CHODL: variants seen among roughly 807,000 people sequenced by gnomAD.
CHODL encodes chondrolectin.
CHODL carries 29 observed loss-of-function variants against 34.5 expected under a neutral mutation model. The observed-to-expected ratio is 0.84, with a 90% confidence interval of 0.63 to 1.15. The LOEUF (loss-of-function observed/expected upper bound fraction) is 1.15, where lower values mean the gene tolerates loss of function less well. Ranked by LOEUF, CHODL falls within the 50% of genes most tolerant of loss-of-function variation. The probability of loss-of-function intolerance (pLI) is 0.00; values close to 1 mark genes in which losing one functional copy is unlikely to be tolerated. For missense variants in CHODL, 332 were observed against 332.5 expected, an observed-to-expected ratio of 1.00 and a Z score of 0.01; for synonymous variants, 125 against 116.1, an observed-to-expected ratio of 1.08 and a Z score of -0.49.
upstream of CHODL, among the ~76,000 whole-genome samples, chr21:18,243,863 G>C (rs945000095): frequency 6.6e-6 from 1 of 152,286 alleles, no homozygotes; most frequent in East Asian, 1.9e-4. Context: ...GAAGTTAGAG[G>C]AAAGTGTACT....
At chr21:18,225,478 C>T (rs11702805) in intron 2 of CHODL, among the ~76,000 whole-genome samples, 1 of 152,038 alleles carries the variant, frequency 6.6e-6, no homozygotes, top group Non-Finnish European at 1.5e-5. Flanking sequence ...GACATTTAAA[C>T]TAATTTGGAG....
At chr21:17,946,304 A>G (rs1309578714) in intron 1 of CHODL, among the ~76,000 whole-genome samples, 3 of 152,172 alleles carry the variant, frequency 2.0e-5, no homozygotes, top group Non-Finnish European at 4.4e-5. Flanking sequence ...CTGTGGTCCC[A>G]GCTACTCGGG....
intron 1 of CHODL, among the ~76,000 whole-genome samples, chr21:18,003,136 CA>C (rs148355768): frequency 5.7e-5 from 8 of 141,070 alleles, no homozygotes; most frequent in East Asian, 4.2e-4. Flanking sequence ...AAAAAAAAAA[CA>C]AAAAAAAAAC....
Position 18,232,941 on chromosome 21 carries a change from T to TTTTATATATATATA in CHODL, c.-44-23568_-44-23567insTTTATATATATATA, listed in dbSNP as rs752640406. On this transcript the variant is annotated intron_variant, in intron 2 of 6. Coordinates refer to the CHODL transcript ENST00000400127. ...TAATTATGGGGTCCACATGATGTTA[T>TTTTATATATATATA]GATATATATATATATATATATATAT... Among the ~76,000 whole-genome samples the TTTTATATATATATA allele has an allele frequency of 2.1e-3, 209 of 97,594 alleles. 1 individual carries two copies. The highest frequency in any genetic ancestry group is 8.5e-3 in the South Asian group (26 of 3,050). The allele number at this position is 97,594 out of a possible 152,430, so 64.0% of individuals were successfully genotyped here.
intron 2 of CHODL, among the ~76,000 whole-genome samples, chr21:18,121,750 C>T (rs1451812831): frequency 6.6e-6 from 1 of 152,128 alleles, no homozygotes; most frequent in East Asian, 1.9e-4. Context: ...CATATCACAC[C>T]TGTTTTTAAC....
At position 17,941,738 on chromosome 21, in the gene CHODL, A is replaced by G. The variant is rs1475280978; in HGVS notation, c.-145+24338A>G. 3.3e-5 allele frequency among the ~76,000 whole-genome samples: 5 copies of G among 152,326 alleles called. No individual in the cohort carries two copies. The East Asian group carries it at 9.6e-4, about 29-fold the overall frequency. ...CTTAGTTCGCTCAGGCTACTATAAC[A>G]AAATACCATAAACTGGGTAGCTTAT... On this transcript the variant is annotated intron_variant, in intron 1 of 6. Transcript: ENST00000400127.
chr21:18,031,819 G>A (rs969969844), intron 2 of CHODL, among the ~76,000 whole-genome samples: 3 of 152,066 alleles, frequency 2.0e-5, no homozygotes, highest in African/African-American at 7.2e-5. Context: ...CAAAGGGATC[G>A]ATCCAATGAC....
At chr21:18,043,953 C>G (rs1054267168) in intron 2 of CHODL, among the ~76,000 whole-genome samples, 2 of 151,808 alleles carry the variant, frequency 1.3e-5, no homozygotes, top group African/African-American at 4.8e-5. Context: ...TATCACAGAA[C>G]AGTATGTGGA....
intron 1 of CHODL, among the ~76,000 whole-genome samples, chr21:17,919,794 A>C (rs2063170002): frequency 6.6e-6 from 1 of 152,186 alleles, no homozygotes; most frequent in Admixed American, 6.5e-5. Flanking sequence ...TGTTTCCCTT[A>C]TAAAACTGAA....
intron 2 of CHODL, among the ~76,000 whole-genome samples, chr21:18,219,464 G>C (rs531630047): frequency 6.6e-6 from 1 of 152,098 alleles, no homozygotes; most frequent in African/African-American, 2.4e-5. Context: ...TTAAAGGTGA[G>C]ATTTGGGTGG....
intron 2 of CHODL, among the ~76,000 whole-genome samples, chr21:18,171,255 G>T (rs1267895277): frequency 1.8e-5 from 2 of 111,002 alleles, no homozygotes; most frequent in Non-Finnish European, 3.3e-5. Context: ...GCCAGACTGC[G>T]GACTGCAGCG....
At chr21:18,020,791 T>C (rs2064121157) in intron 1 of CHODL, among the ~76,000 whole-genome samples, 1 of 152,146 alleles carries the variant, frequency 6.6e-6, no homozygotes, top group Non-Finnish European at 1.5e-5. Context: ...AAGGCCCTGA[T>C]CTGAAAGAAT....
At chr21:18,039,753 T>A (rs1418734576) in intron 2 of CHODL, among the ~76,000 whole-genome samples, 1 of 151,738 alleles carries the variant, frequency 6.6e-6, no homozygotes, top group Non-Finnish European at 1.5e-5. Context: ...ATCTTGATGC[T>A]ACCAAAACCT....
intron 2 of CHODL, among the ~76,000 whole-genome samples, chr21:18,178,543 G>C (rs2073343662): frequency 6.6e-6 from 1 of 152,090 alleles, no homozygotes; most frequent in Non-Finnish European, 1.5e-5. Context: ...ATAAACTATT[G>C]ATTAACACAT....
intron 2 of CHODL, among the ~76,000 whole-genome samples, chr21:18,232,605 A>G (rs1416857160): frequency 6.6e-6 from 1 of 152,028 alleles, no homozygotes; most frequent in African/African-American, 2.4e-5. Context: ...TCAACATGTA[A>G]GTTTTGTGGG....
Position 17,947,293 on chromosome 21 carries a change from T to A in CHODL, c.-145+29893T>A, listed in dbSNP as rs1361573202. 3.9e-5 allele frequency among the ~76,000 whole-genome samples: 6 copies of A among 152,106 alleles called. No homozygotes were observed. The East Asian group carries it at 1.2e-3, about 29-fold the overall frequency. ...AATGAAGATATTAAAAAGAAAATTT[T>A]AAAAATTCCTGAGACAAATGAAATG... On this transcript the variant is annotated intron_variant, in intron 1 of 6. Transcript: ENST00000400127.
At chr21:17,950,397 AAAT>A (rs2063446308) in intron 1 of CHODL, among the ~76,000 whole-genome samples, 1 of 151,976 alleles carries the variant, frequency 6.6e-6, no homozygotes, top group South Asian at 2.1e-4. Flanking sequence ...GAGAGAAAAA[AAAT>A]AGACATATTA....
chr21:18,085,360 CT>C (rs2064993462), intron 2 of CHODL, among the ~76,000 whole-genome samples: 2 of 151,820 alleles, frequency 1.3e-5, no homozygotes, highest in Admixed American at 1.3e-4. Flanking sequence ...AAATTCATTT[CT>C]TTTTTCTGTC....
intron 2 of CHODL, among the ~76,000 whole-genome samples, chr21:18,158,748 A>G (rs8132224): frequency 1 from 151,802 of 151,802 alleles, 75,901 homozygotes; most frequent in Non-Finnish European, 1. Flanking sequence ...TGAGGCAGGA[A>G]AATCGCTTGA....
Sources: gnomAD v4.1 joint callset for allele counts (sites outside exome capture counted in the v4.1 genomes callset) on GRCh38, gnomAD v4.1.1 for gene constraint, MANE v1.5 for transcripts, NCBI Gene and HGNC (gene_info 2026-07-23, HGNC 2026-07-21) for gene names.